SACS: variants seen among roughly 807,000 people sequenced by gnomAD.
The protein encoded by SACS is sacsin.
A neutral mutation model predicts 348.0 loss-of-function variants in SACS; 197 were observed. The observed-to-expected ratio is 0.57, with a 90% confidence interval of 0.50 to 0.64. SACS has a LOEUF of 0.64. Ranked by LOEUF, SACS falls within the 30% of genes least tolerant of loss-of-function variation. The pLI is 0.00. For missense variants in SACS, 4,999 were observed against 5,360.8 expected, an observed-to-expected ratio of 0.93 and a Z score of 2.11; for synonymous variants, 1,985 against 1,910.6, an observed-to-expected ratio of 1.04 and a Z score of -1.02.
intron 2 of SACS, among the ~76,000 whole-genome samples, chr13:23,401,434 C>T (rs1872973865): frequency 6.6e-6 from 1 of 152,168 alleles, no homozygotes; most frequent in African/African-American, 2.4e-5. Context: ...CTTTCCAGAC[C>T]AAACCACTGT....
At chr13:23,361,345 G>A (rs1388685823) in intron 6 of SACS, among the ~76,000 whole-genome samples, 1 of 152,184 alleles carries the variant, frequency 6.6e-6, no homozygotes, top group African/African-American at 2.4e-5. Context: ...GAGAGAAGCA[G>A]TATTCTGCCT....
rs533740245 is a variant in SACS, at chr13:23,329,099, C to A, written c.*1037G>T. 8.3e-6 allele frequency: 2 copies of A among 239,812 alleles called. No homozygotes were observed. Among genetic ancestry groups the A allele is most frequent in the Non-Finnish European group, 1.6e-5 (2 of 127,196 alleles). 14.9% of individuals were successfully genotyped at this position (239,812 alleles called of 1,614,324 possible). On this transcript the variant is annotated 3_prime_UTR_variant, in exon 10 of 10. Coordinates refer to ENST00000382292, the MANE Select transcript of SACS (RefSeq NM_014363.6). ...AATATGTTAAAGTAAAGAAGCATGG[C>A]GAGACAAACATGAATTAAATGTCAG... is the stretch of plus-strand genomic sequence containing the variant.
chr13:23,415,626 A>C (rs1038521464), intron 1 of SACS, among the ~76,000 whole-genome samples: 1 of 152,186 alleles, frequency 6.6e-6, no homozygotes, highest in African/African-American at 2.4e-5. Context: ...TTTGAGCTAC[A>C]ACATACTACT....
At chr13:23,400,404 G>T (rs1285359092) in intron 2 of SACS, among the ~76,000 whole-genome samples, 1 of 151,940 alleles carries the variant, frequency 6.6e-6, no homozygotes. Context: ...AGTCACTTTG[G>T]TTATTTTTAT....
chr13:23,408,720 C>T (rs529029984), intron 2 of SACS, among the ~76,000 whole-genome samples: 6 of 152,114 alleles, frequency 3.9e-5, no homozygotes, highest in African/African-American at 1.4e-4. Context: ...AATCCCAGCA[C>T]TTCGGGAGGC....
In SACS at chr13:23,338,289, C is replaced by T. The variant is rs540168202; in HGVS notation, c.5587G>A (p.Val1863Met). Residue 1863 changes from valine to methionine, a missense_variant, in exon 10 of 10, where the codon GTG becomes ATG. Coordinates refer to ENST00000382292, the MANE Select transcript of SACS (RefSeq NM_014363.6). ...AACACCTCTCCAATGTGTGGTTTCA[C>T]TGTCCACTTCTGGTCCTGGATTTCT... ...LSEIQDQKWT[V>M]KPHIGEVFCY... 7.4e-6 allele frequency: 12 copies of T among 1,614,182 alleles called. No individual in the cohort carries two copies. The South Asian group carries it at 9.9e-5, about 13-fold the overall frequency.
chr13:23,413,784 T>C (rs57031845), intron 1 of SACS, among the ~76,000 whole-genome samples: 44,893 of 152,042 alleles, frequency 0.3, 7,097 homozygotes, highest in East Asian at 0.46. Context: ...TATTCTTTCA[T>C]GAATAATTCA....
intron 2 of SACS, among the ~76,000 whole-genome samples, chr13:23,382,805 T>TA (rs1331373510): frequency 6.7e-6 from 1 of 148,508 alleles, no homozygotes; most frequent in African/African-American, 2.5e-5. Context: ...TTTTTTGAGA[T>TA]AGAGTCTAGC....
rs1449061016 is a variant in SACS, at chr13:23,333,835, CA to C, written c.10040del (p.Leu3347CysfsTer9). ...ICSKDSAFVP[L>X]LSCHTANIES... The stretch of plus-strand genomic sequence containing the variant: ...CTATATTTGCTGTGTGACATGACAA[CA>C]AAGGAACAAATGCACTGTCTTTGGA... On this transcript the variant is annotated frameshift_variant, in exon 10 of 10. Transcript: ENST00000382292. LOFTEE classifies it high-confidence loss of function. 6.2e-7 allele frequency: 1 copy of C among 1,613,814 alleles called. No homozygotes were observed. The highest frequency in any genetic ancestry group is 8.5e-7 in the Non-Finnish European group (1 of 1,179,826).
chr13:23,420,200 C>G (rs1448639540), intron 1 of SACS, among the ~76,000 whole-genome samples: 1 of 152,018 alleles, frequency 6.6e-6, no homozygotes, highest in African/African-American at 2.4e-5. Flanking sequence ...CTGGGGCCTG[C>G]TCTTCATCTT....
At chr13:23,359,195 A>G (rs1005433002) in intron 6 of SACS, among the ~76,000 whole-genome samples, 1 of 152,190 alleles carries the variant, frequency 6.6e-6, no homozygotes, top group African/African-American at 2.4e-5. Context: ...AAAAAAGAAA[A>G]AAGAAAAAGA....
chr13:23,353,931 TA>T (rs1465926203), intron 8 of SACS, 55 bp from the exon 9 acceptor site: 4 of 1,037,882 alleles, frequency 3.9e-6, no homozygotes, highest in East Asian at 4.7e-5. Flanking sequence ...TCCAAGATTT[TA>T]AAAAAACAAT....
At position 23,333,079 on chromosome 13, in the gene SACS, C is replaced by T. The variant is rs2137571967; in HGVS notation, c.10797G>A (p.Gln3599=). The T allele has an allele frequency of 6.8e-6, 11 of 1,613,916 alleles. No individual in the cohort carries two copies. Among genetic ancestry groups the T allele is most frequent in the South Asian group, 1.1e-5 (1 of 91,072 alleles). ...IGLKYILSQQ[Q]LLQFAKEISV... is the part of the protein sequence containing the mutation. Reference sequence around the variant, plus strand: ...TGATTTCCTTAGCAAACTGTAACAACTGCTGCTGAGAAAGTATGTATTTTA... The same window carrying T: ...TGATTTCCTTAGCAAACTGTAACAATTGCTGCTGAGAAAGTATGTATTTTA... The change falls in exon 10 of 10, where the codon CAG becomes CAA. Residue 3599 remains glutamine, a synonymous_variant. Coordinates refer to ENST00000382292, the MANE Select transcript of SACS (RefSeq NM_014363.6).
At chr13:23,361,885 C>T (rs899342953) in intron 6 of SACS, among the ~76,000 whole-genome samples, 6 of 152,126 alleles carry the variant, frequency 3.9e-5, no homozygotes, top group African/African-American at 1.4e-4. Flanking sequence ...TTCCCCCTTT[C>T]CCCAGGGAAT....
intron 4 of SACS, among the ~76,000 whole-genome samples, chr13:23,368,925 T>G (rs1327586128): frequency 1.3e-5 from 2 of 152,138 alleles, no homozygotes; most frequent in Non-Finnish European, 2.9e-5. Context: ...GGTCTTGATC[T>G]CCTGACCTCG....
chr13:23,353,874 G>T lies in SACS; in HGVS notation c.2096C>A (p.Ser699Tyr), dbSNP rs374680967. 2 of 1,556,572 alleles carry T rather than the reference G, an allele frequency of 1.3e-6. No individual in the cohort carries two copies. The highest frequency in any genetic ancestry group is 2.2e-5 in the South Asian group (2 of 89,820). ...IYITSAEYPR[S>Y]LFPSLEGRFI... ...TCTTCCTTCAAGACTTGGGAAAAGG[G>T]ACCTGAAAAGGGAAAGGAACAGCAA... The change falls in exon 9 of 10, where the codon TCC (serine) becomes TAC (tyrosine). Residue 699 changes from serine to tyrosine, a missense_variant and splice_region_variant. Around this residue, in one of 6 missense-constraint regions of SACS, gnomAD observed 3,156 missense variants for 3,380.1 expected, o/e 0.93. Transcript: ENST00000382292.
chr13:23,356,093 T>C, intron 7 of SACS, 86 bp from the exon 8 acceptor site: 1 of 1,192,852 alleles, frequency 8.4e-7, no homozygotes, highest in African/African-American at 1.5e-5. Context: ...TGAAAAAGCA[T>C]GAGCCATTAA....
At chr13:23,414,612 C>T (rs917073437) in intron 1 of SACS, among the ~76,000 whole-genome samples, 3 of 152,152 alleles carry the variant, frequency 2.0e-5, no homozygotes, top group South Asian at 4.2e-4. Flanking sequence ...TATCACCAGG[C>T]GTGTTTGATA....
intron 2 of SACS, among the ~76,000 whole-genome samples, chr13:23,388,604 T>C (rs1339352994): frequency 6.6e-6 from 1 of 150,794 alleles, no homozygotes; most frequent in Non-Finnish European, 1.5e-5. Context: ...TGGAGGTCAT[T>C]AATTCAAAGC....
Sources: allele counts gnomAD v4.1 joint callset (sites outside exome capture counted in the v4.1 genomes callset), GRCh38; gene constraint gnomAD v4.1.1; regional missense constraint gnomAD v4.1.1; transcripts MANE v1.5; gene names NCBI Gene and HGNC (gene_info 2026-07-23, HGNC 2026-07-21).